The following TEX2 variants were observed in gnomAD, a reference collection of about 807,000 sequenced individuals.
TEX2 encodes the protein testis expressed 2.
In TEX2, 53 loss-of-function variants were observed where a neutral mutation model predicts 106.9. The observed-to-expected ratio is 0.50, with a 90% CI of 0.40 to 0.62. The LOEUF (loss-of-function observed/expected upper bound fraction) is 0.62. Ranked by LOEUF, TEX2 falls within the 20% of genes least tolerant of loss-of-function variation. The pLI is 0.00. For missense variants in TEX2, 1,207 were observed against 1,379.0 expected, an observed-to-expected ratio of 0.88 and a Z score of 1.98; for synonymous variants, 523 against 534.8, an observed-to-expected ratio of 0.98 and a Z score of 0.30.
intron 7 of TEX2, among the ~76,000 whole-genome samples, chr17:64,169,378 C>T (rs1038340475): frequency 6.6e-6 from 1 of 152,182 alleles, no homozygotes; most frequent in Admixed American, 6.5e-5. Context: ...TAAAAACACT[C>T]TAGTTCAGCC....
intron 7 of TEX2, among the ~76,000 whole-genome samples, chr17:64,168,311 T>C (rs2031235196): frequency 1.3e-5 from 2 of 152,222 alleles, no homozygotes; most frequent in Admixed American, 1.3e-4. Flanking sequence ...AAACCTGATT[T>C]GATCAAACTT....
chr17:64,257,741 G>T (rs1406030367), intron 1 of TEX2, among the ~76,000 whole-genome samples: 1 of 152,094 alleles, frequency 6.6e-6, no homozygotes, highest in East Asian at 1.9e-4. Flanking sequence ...GATTAATGAC[G>T]CTGGCAATTT....
intron 6 of TEX2, among the ~76,000 whole-genome samples, chr17:64,173,374 A>G (rs1209066377): frequency 6.6e-6 from 1 of 152,206 alleles, no homozygotes; most frequent in Non-Finnish European, 1.5e-5. Flanking sequence ...AGGTTTTTAA[A>G]AATTAAATGT....
intron 7 of TEX2, among the ~76,000 whole-genome samples, chr17:64,164,105 G>A (rs951081484): frequency 2.6e-5 from 4 of 152,104 alleles, no homozygotes; most frequent in African/African-American, 9.7e-5. Flanking sequence ...TTGTCCAGTG[G>A]TAACCAGTGG....
chr17:64,233,411 A>C (rs571944109), intron 1 of TEX2, among the ~76,000 whole-genome samples: 1 of 152,228 alleles, frequency 6.6e-6, no homozygotes, highest in African/African-American at 2.4e-5. Context: ...ATCTCTACTA[A>C]AAATACAAAA....
Position 64,153,121 on chromosome 17 carries a change from C to T in TEX2, c.2964G>A (p.Met988Ile), listed in dbSNP as rs573367206. The T allele has an allele frequency of 1.2e-6, 2 of 1,614,056 alleles. No homozygotes were observed. Among genetic ancestry groups the T allele is most frequent in the African/African-American group, 2.7e-5 (2 of 75,030 alleles). ...ACTTGGTAATTTTATCAACAAACCT[C>T]ATAATCTTACTTGTTCGATGACCTC... ...YVGGHRTSKI[M>I]RFVDKITKSK... Residue 988 changes from methionine to isoleucine, a missense_variant, in exon 10 of 12, where the codon ATG becomes ATA. Transcript: ENST00000584379. The surrounding 1 kb of genome is among the most constrained non-coding windows in gnomAD (Gnocchi z 4.1).
At chr17:64,162,442 C>T (rs2030929786) in intron 7 of TEX2, among the ~76,000 whole-genome samples, 4 of 152,218 alleles carry the variant, frequency 2.6e-5, no homozygotes, top group Admixed American at 2.0e-4. Context: ...TTACTATATA[C>T]ATCCAAACAT....
chr17:64,243,957 C>A (rs1555636034), intron 1 of TEX2, among the ~76,000 whole-genome samples: 2 of 151,982 alleles, frequency 1.3e-5, no homozygotes, highest in African/African-American at 4.8e-5. Flanking sequence ...TACAGGCATG[C>A]ACCACCATGC....
chr17:64,229,498 GT>G (rs1356157364), intron 1 of TEX2, among the ~76,000 whole-genome samples: 1,839 of 147,896 alleles, frequency 0.012, 34 homozygotes, highest in African/African-American at 0.043. Context: ...AATTGTATGG[GT>G]TTTTTTTTTA....
intron 1 of TEX2, among the ~76,000 whole-genome samples, chr17:64,224,261 G>C (rs1473801357): frequency 6.6e-6 from 1 of 152,164 alleles, no homozygotes; most frequent in Non-Finnish European, 1.5e-5. Flanking sequence ...GTAAAAAGGA[G>C]GGAAAAGGCT....
At chr17:64,235,929 A>G (rs533859249) in intron 1 of TEX2, among the ~76,000 whole-genome samples, 6 of 152,120 alleles carry the variant, frequency 3.9e-5, no homozygotes, top group Non-Finnish European at 7.4e-5. Context: ...GAGCTTTCCT[A>G]TGAAATTCCA....
Position 64,210,394 on chromosome 17 carries a change from C to T in TEX2, c.1644+2180G>A, listed in dbSNP as rs1403285940. 9.9e-5 allele frequency among the ~76,000 whole-genome samples: 15 copies of T among 152,170 alleles called. 1 individual carries two copies. The highest frequency in any genetic ancestry group is 7.8e-4 in the Admixed American group (12 of 15,292). Reference sequence around the variant, plus strand: ...AAAACAAAAAGAGTGGGTGAGTATGCATGTATGTGATGCATATCTTCATAT... The same window carrying T: ...AAAACAAAAAGAGTGGGTGAGTATGTATGTATGTGATGCATATCTTCATAT... On this transcript the variant is annotated intron_variant, in intron 2 of 11. Coordinates refer to ENST00000584379, the MANE Select transcript of TEX2 (RefSeq NM_001288732.2).
intron 7 of TEX2, among the ~76,000 whole-genome samples, chr17:64,163,281 T>C (rs1025607224): frequency 2.0e-5 from 3 of 152,010 alleles, no homozygotes; most frequent in Admixed American, 6.5e-5. Context: ...TCCGCCACCA[T>C]GCCCGGCTAA....
intron 1 of TEX2, among the ~76,000 whole-genome samples, chr17:64,226,511 A>T (rs1284465336): frequency 6.6e-6 from 1 of 152,206 alleles, no homozygotes; most frequent in Non-Finnish European, 1.5e-5. Flanking sequence ...ACTTCCCCTT[A>T]GAAGGACTTA....
chr17:64,249,825 GT>G (rs1180007017), intron 1 of TEX2, among the ~76,000 whole-genome samples: 50 of 152,218 alleles, frequency 3.3e-4, no homozygotes, highest in African/African-American at 1.2e-3. Flanking sequence ...GACCAAATGA[GT>G]TTGGTTTCTG....
At chr17:64,181,471 TCAAAAAAAAAAAAAAAA>T (rs1434539910) in intron 5 of TEX2, among the ~76,000 whole-genome samples, 15 of 117,434 alleles carry the variant, frequency 1.3e-4, no homozygotes, top group African/African-American at 4.6e-4. Flanking sequence ...CAAGGCTATC[TCAAAAAAAAAAAAAAAA>T]AAAAAAAAAA....
In TEX2 at chr17:64,217,118, C is replaced by G. The variant is rs1021127766; in HGVS notation, c.-25-2876G>C. Among the ~76,000 whole-genome samples, 3 of 152,174 alleles carry G rather than the reference C, an allele frequency of 2.0e-5. No individual in the cohort carries two copies. The highest frequency in any genetic ancestry group is 1.3e-4 in the Admixed American group (2 of 15,274). ...TCATCTGCAAAATGAGGGGATTAGG[C>G]TAGATAAACAAAGGCTGCTTCCAGG... On this transcript the variant is annotated intron_variant, in intron 1 of 11. Transcript: ENST00000584379. This position sits in a 1 kb window ranked among gnomAD's most constrained non-coding sequence, Gnocchi z 4.3.
chr17:64,208,907 G>A (rs782767464), intron 2 of TEX2, among the ~76,000 whole-genome samples: 13 of 152,202 alleles, frequency 8.5e-5, no homozygotes, highest in Admixed American at 1.3e-4. Flanking sequence ...GATTACAGGT[G>A]TGGGCTACCA....
chr17:64,161,042 GT>G, intron 7 of TEX2, 109 bp from the exon 8 acceptor site: 2 of 1,215,638 alleles, frequency 1.6e-6, no homozygotes. Context: ...GAAAGTCCAT[GT>G]ATCGTCTACT....
Sources: allele counts gnomAD v4.1 joint callset (sites outside exome capture counted in the v4.1 genomes callset), GRCh38; gene constraint gnomAD v4.1.1; non-coding constraint Gnocchi (gnomAD v3.1); transcripts MANE v1.5; gene names NCBI Gene and HGNC (gene_info 2026-07-23, HGNC 2026-07-21).